The following SBF2 variants were observed in gnomAD, a reference collection of about 807,000 sequenced individuals.
SBF2 encodes myotubularin-related protein 13.
A neutral mutation model predicts 225.2 loss-of-function variants in SBF2; 112 were observed. That is an observed-to-expected ratio of 0.50 (90% confidence interval 0.43 to 0.58). The LOEUF is 0.58. Among genes scored for constraint, SBF2 ranks in the 20% least tolerant of loss-of-function variants. The probability of loss-of-function intolerance (pLI) is 0.00; values close to 1 mark genes in which losing one functional copy is unlikely to be tolerated. For synonymous variants in SBF2, 763 were observed against 773.3 expected, an observed-to-expected ratio of 0.99 and a Z score of 0.22; for missense variants, 1,996 against 2,206.2, an observed-to-expected ratio of 0.90 and a Z score of 1.91.
intron 13 of SBF2, among the ~76,000 whole-genome samples, chr11:9,982,095 C>T (rs1946982003): frequency 6.6e-6 from 1 of 152,226 alleles, no homozygotes; most frequent in South Asian, 2.1e-4. Flanking sequence ...GTCCTTTTAA[C>T]TTACTGCATT....
chr11:10,278,535 C>T (rs1389222591), intron 1 of SBF2, among the ~76,000 whole-genome samples: 2 of 152,120 alleles, frequency 1.3e-5, no homozygotes, highest in African/African-American at 4.8e-5. Flanking sequence ...AATCCCAGCA[C>T]TTTGGGAGGC....
chr11:9,789,300 C>T lies in SBF2; in HGVS notation c.4741G>A (p.Asp1581Asn). 1.9e-6 allele frequency: 3 copies of T among 1,614,102 alleles called. No individual in the cohort carries two copies. The highest frequency in any genetic ancestry group is 2.5e-6 in the Non-Finnish European group (3 of 1,179,986). The change falls in exon 35 of 40, where the codon GAT becomes AAT. Residue 1581 changes from aspartate (D) to asparagine (N), a missense_variant. Asp to Asn is a conservative substitution (Grantham distance 23, BLOSUM62 1). Transcript: ENST00000256190. ...NVNVSSLKKW[D>N]YYIEETLSTG... ...GACAGGGTCTCTTCTATGTAGTAAT[C>T]CCACTTCTTGAGGCTAGAGACGTTT...
intron 1 of SBF2, among the ~76,000 whole-genome samples, chr11:10,216,764 T>G (rs1239146162): frequency 6.6e-6 from 1 of 151,810 alleles, no homozygotes. Flanking sequence ...CAGCTACTCG[T>G]GAGGCTGAGG....
At chr11:9,909,727 A>G (rs961395381) in intron 16 of SBF2, among the ~76,000 whole-genome samples, 10 of 151,766 alleles carry the variant, frequency 6.6e-5, no homozygotes. Context: ...CTCAAATCTT[A>G]GTGAGAAGTT....
At chr11:9,966,419 T>C (rs1431067165) in intron 14 of SBF2, among the ~76,000 whole-genome samples, 2 of 152,220 alleles carry the variant, frequency 1.3e-5, no homozygotes, top group African/African-American at 4.8e-5. Context: ...AATAAATATG[T>C]TTACTATCTG....
At chr11:10,186,972 C>T (rs143395739) in intron 2 of SBF2, among the ~76,000 whole-genome samples, 5 of 152,316 alleles carry the variant, frequency 3.3e-5, no homozygotes, top group African/African-American at 4.8e-5. Flanking sequence ...TCAGCATGAA[C>T]AGTGTGGCAG....
At position 9,856,655 on chromosome 11, in the gene SBF2, G is replaced by GCAACTA. The variant is rs764180003; in HGVS notation, c.2165_2166insTAGTTG (p.Arg722_Leu723insSerCys). ...TTGACTTGCTCAGGGTAGGCCAAAG[G>GCAACTA]CGTAGTTGCTCAGCTGCCAGGTCCA... On this transcript the variant is annotated inframe_insertion, in exon 19 of 40. Transcript: ENST00000256190. 1 of 1,614,060 alleles carries GCAACTA rather than the reference G, an allele frequency of 6.2e-7. No homozygotes were observed. The highest frequency in any genetic ancestry group is 1.3e-5 in the African/African-American group (1 of 74,948).
intron 2 of SBF2, among the ~76,000 whole-genome samples, chr11:10,060,423 C>A (rs1443946912): frequency 6.6e-6 from 1 of 152,108 alleles, no homozygotes; most frequent in Non-Finnish European, 1.5e-5. Flanking sequence ...CAGGAACTGA[C>A]GGATTCACAG....
intron 2 of SBF2, among the ~76,000 whole-genome samples, chr11:10,154,370 A>G (rs767776865): frequency 6.6e-6 from 1 of 152,088 alleles, no homozygotes; most frequent in Non-Finnish European, 1.5e-5. Context: ...CCTATGAAAT[A>G]GTTTCGGTAT....
intron 2 of SBF2, among the ~76,000 whole-genome samples, chr11:10,071,412 G>A (rs999683551): frequency 3.3e-5 from 5 of 151,742 alleles, no homozygotes; most frequent in Admixed American, 2.0e-4. Flanking sequence ...GACTACAAGC[G>A]CCCGCAACCA....
chr11:10,218,750 G>A (rs953530288), intron 1 of SBF2, among the ~76,000 whole-genome samples: 5 of 152,152 alleles, frequency 3.3e-5, no homozygotes, highest in African/African-American at 9.6e-5. Context: ...TGGCCAAAAC[G>A]AAAGGGTTAC....
intron 2 of SBF2, among the ~76,000 whole-genome samples, chr11:10,071,080 T>C (rs1950847957): frequency 1.3e-5 from 2 of 152,098 alleles, no homozygotes; most frequent in African/African-American, 4.8e-5. Flanking sequence ...TGGTGTTTTC[T>C]AAATATACAA....
chr11:9,782,088 A>C (rs1259032775), intron 38 of SBF2, among the ~76,000 whole-genome samples: 3 of 151,642 alleles, frequency 2.0e-5, no homozygotes, highest in Non-Finnish European at 4.4e-5. Flanking sequence ...CAGGAGGCTG[A>C]GGTGGGAGGA....
intron 16 of SBF2, among the ~76,000 whole-genome samples, chr11:9,935,450 AACTAC>A (rs1864824585): frequency 6.6e-6 from 1 of 152,218 alleles, no homozygotes; most frequent in African/African-American, 2.4e-5. Flanking sequence ...ATTTGAAAAA[AACTAC>A]TTTAAAGTTC....
At chr11:10,010,288 T>G (rs901036788) in intron 6 of SBF2, among the ~76,000 whole-genome samples, 3 of 152,256 alleles carry the variant, frequency 2.0e-5, no homozygotes, top group Admixed American at 1.3e-4. Flanking sequence ...GCCATTGCTT[T>G]TGGTGTTTTA....
chr11:9,850,939 C>T (rs1856882100), intron 21 of SBF2, among the ~76,000 whole-genome samples: 1 of 151,998 alleles, frequency 6.6e-6, no homozygotes, highest in Non-Finnish European at 1.5e-5. Context: ...AGTTCGAGAC[C>T]AGCCTGGCCA....
chr11:10,067,175 T>C (rs932828432), intron 2 of SBF2, among the ~76,000 whole-genome samples: 7 of 152,068 alleles, frequency 4.6e-5, no homozygotes, highest in Non-Finnish European at 8.8e-5. Context: ...AGCTGGACAA[T>C]GAAAATTACA....
In SBF2 at chr11:9,854,082, C is replaced by T. The variant is rs555319642; in HGVS notation, c.2364-370G>A. Among the ~76,000 whole-genome samples the T allele has an allele frequency of 4.6e-5, 7 of 152,252 alleles. No individual in the cohort carries two copies. In the East Asian group the frequency reaches 1.3e-3, roughly 29 times the overall value. ...GGGCCTTCTAAAGCAACCTGTCCTCCCAAGTTAATTATTACATAGAGAACA... is the reference window on the plus strand; with the variant it reads ...GGGCCTTCTAAAGCAACCTGTCCTCTCAAGTTAATTATTACATAGAGAACA... On this transcript the variant is annotated intron_variant, in intron 19 of 39. Coordinates refer to ENST00000256190, the MANE Select transcript of SBF2 (RefSeq NM_030962.4).
intron 17 of SBF2, among the ~76,000 whole-genome samples, chr11:9,882,383 A>G (rs1470617699): frequency 1.3e-5 from 2 of 152,238 alleles, no homozygotes; most frequent in African/African-American, 4.8e-5. Flanking sequence ...TGGTGACACA[A>G]TATCCTAAAT....
Sources: allele counts gnomAD v4.1 joint callset (sites outside exome capture counted in the v4.1 genomes callset), GRCh38; gene constraint gnomAD v4.1.1; transcripts MANE v1.5; gene names NCBI Gene and HGNC (gene_info 2026-07-23, HGNC 2026-07-21).